Variants in NAP1L1 observed in about 807,000 individuals in gnomAD.
The protein encoded by NAP1L1 is nucleosome assembly protein 1 like 1, also known as nucleosome assembly protein 1-like 1.
A neutral mutation model predicts 58.9 loss-of-function variants in NAP1L1; 9 were observed. That is an observed-to-expected ratio of 0.15 (90% confidence interval 0.09 to 0.27). The LOEUF is 0.27. NAP1L1 is among the 10% of genes least tolerant of loss of function. The pLI, the probability that NAP1L1 is intolerant of heterozygous loss-of-function variation, is 1.00. For synonymous variants in NAP1L1, 130 were observed against 138.3 expected, an observed-to-expected ratio of 0.94 and a Z score of 0.42; for missense variants, 302 against 458.8, an observed-to-expected ratio of 0.66 and a Z score of 3.12.
In NAP1L1 at chr12:76,037,897, AG is replaced by A. The variant is rs1871087741; in HGVS notation, c.*10531del. ...GAGCTGATTGACAGCACTTAAACTG[AG>A]GGGAAATGACTAATGTTTTGTCTGG... On this transcript the variant is annotated 3_prime_UTR_variant, in exon 15 of 15. Transcript: ENST00000618691. The A allele has an allele frequency of 6.6e-6, 1 of 152,202 alleles. No homozygotes were observed. The highest frequency in any genetic ancestry group is 1.5e-5 in the Non-Finnish European group (1 of 68,042). 9.4% of individuals were successfully genotyped at this position (152,202 alleles called of 1,614,324 possible).
chr12:76,079,026 G>GTTT (rs1950301180), intron 1 of NAP1L1, among the ~76,000 whole-genome samples: 1 of 151,246 alleles, frequency 6.6e-6, no homozygotes, highest in African/African-American at 2.4e-5. Flanking sequence ...TATTTATCCA[G>GTTT]CTCCGGATAC....
At chr12:76,069,047 A>T (rs1056132708) in intron 2 of NAP1L1, 53 bp from the exon 3 acceptor site, 2 of 1,294,668 alleles carry the variant, frequency 1.5e-6, no homozygotes, top group African/African-American at 3.0e-5. Flanking sequence ...TACCAAAAAA[A>T]GTTACAGAAA....
intron 8 of NAP1L1, 69 bp from the exon 9 acceptor site, chr12:76,053,978 G>T: frequency 2.1e-6 from 3 of 1,440,330 alleles, no homozygotes; most frequent in African/African-American, 1.5e-5. Flanking sequence ...AGTAAACACA[G>T]CTTCATCTGT....
rs1349792668 is a variant in NAP1L1, at chr12:76,040,178, G to A, written c.*8251C>T. 6.6e-6 allele frequency: 1 copy of A among 152,152 alleles called. No individual in the cohort carries two copies. The highest frequency in any genetic ancestry group is 2.4e-5 in the African/African-American group (1 of 41,434). 9.4% of individuals were successfully genotyped at this position (152,152 alleles called of 1,614,324 possible). ...GCATACAATATGTAATTTAAGCTTTGATGTCTTTGGTCATTTTGGAAAACG... is the reference window on the plus strand; with the variant it reads ...GCATACAATATGTAATTTAAGCTTTAATGTCTTTGGTCATTTTGGAAAACG... On this transcript the variant is annotated 3_prime_UTR_variant, in exon 15 of 15. Coordinates refer to ENST00000618691, the MANE Select transcript of NAP1L1 (RefSeq NM_004537.7).
intron 4 of NAP1L1, among the ~76,000 whole-genome samples, chr12:76,062,880 G>C (rs531553925): frequency 7.9e-5 from 12 of 151,956 alleles, no homozygotes; most frequent in Non-Finnish European, 1.6e-4. Context: ...GAATATCACA[G>C]ACAAAAGAAA....
intron 6 of NAP1L1, chr12:76,057,201 G>T (rs914219105): frequency 4.8e-6 from 1 of 209,682 alleles, no homozygotes; most frequent in Non-Finnish European, 9.7e-6. Flanking sequence ...GCTGAGGTGG[G>T]AGAATAGCTT....
intron 1 of NAP1L1, among the ~76,000 whole-genome samples, chr12:76,080,150 T>A (rs1251567237): frequency 6.6e-6 from 1 of 152,218 alleles, no homozygotes; most frequent in Non-Finnish European, 1.5e-5. Context: ...CAGGACTGCA[T>A]ATACAACAGT....
intron 2 of NAP1L1, chr12:76,073,937 AATCCATT>A (rs1158277799): frequency 2.9e-6 from 1 of 348,612 alleles, no homozygotes; most frequent in African/African-American, 2.1e-5. Flanking sequence ...AAGTATTTAT[AATCCATT>A]ATCATGCTCA....
intron 2 of NAP1L1, among the ~76,000 whole-genome samples, chr12:76,070,271 C>T (rs867191904): frequency 3.9e-5 from 6 of 152,214 alleles, no homozygotes; most frequent in African/African-American, 7.2e-5. Flanking sequence ...TACAGGAGTG[C>T]GCCACTGCAC....
rs1434780188 is a variant in NAP1L1 at position 76,055,048 on chromosome 12, C to G, written c.601G>C (p.Val201Leu). 1 of 1,606,202 alleles carries G rather than the reference C, an allele frequency of 6.2e-7. No individual in the cohort carries two copies. Among genetic ancestry groups the G allele is most frequent in the Admixed American group, 1.7e-5 (1 of 59,164 alleles). Residue 201 changes from valine to leucine, a missense_variant, in exon 8 of 15, where the codon GTG becomes CTG. Physicochemically the swap from Val to Leu is conservative, Grantham distance 32. Transcript: ENST00000618691. ...GGCTGGCCAGCATCTGAGAACTTCA[C>G]TTTAATATCTTTCAAGTGCTTCAGA... ...PILKHLKDIK[V>L]KFSDAGQPMS...
At chr12:76,080,191 A>G (rs1950347565) in intron 1 of NAP1L1, among the ~76,000 whole-genome samples, 1 of 152,232 alleles carries the variant, frequency 6.6e-6, no homozygotes, top group Admixed American at 6.5e-5. Context: ...GAGCTGAAAC[A>G]TTCCTATTGC....
chr12:76,057,336 TAC>T (rs1365217772), intron 6 of NAP1L1: 2 of 357,014 alleles, frequency 5.6e-6, no homozygotes, highest in African/African-American at 4.2e-5. Context: ...ACTTTTTGAG[TAC>T]AGATGGTGGT....
intron 6 of NAP1L1, chr12:76,056,552 C>T (rs1203058398): frequency 2.2e-6 from 1 of 448,016 alleles, no homozygotes; most frequent in Middle Eastern, 3.3e-4. Flanking sequence ...AATAGCAATG[C>T]TAGAGAGGTG....
At position 76,040,518 on chromosome 12, in the gene NAP1L1, T is replaced by TACACAC. The variant is rs534995040; in HGVS notation, c.*7905_*7910dup. ...AAATATACATACACATACATATACA[T>TACACAC]ACACACACACACACACACAGACAGT... On this transcript the variant is annotated 3_prime_UTR_variant, in exon 15 of 15. Transcript: ENST00000618691. 6.7e-6 allele frequency: 1 copy of TACACAC among 149,942 alleles called. No individual in the cohort carries two copies. Among genetic ancestry groups the TACACAC allele is most frequent in the Admixed American group, 6.7e-5 (1 of 14,990 alleles). The allele number at this position is 149,942 out of a possible 1,614,324, so 9.3% of individuals were successfully genotyped here.
intron 4 of NAP1L1, among the ~76,000 whole-genome samples, chr12:76,064,137 C>T (rs1949548764): frequency 6.6e-6 from 1 of 152,032 alleles, no homozygotes; most frequent in African/African-American, 2.4e-5. Context: ...AGAGTAAGGC[C>T]TTGTCATAAA....
At chr12:76,069,066 A>G in intron 2 of NAP1L1, 72 bp from the exon 3 acceptor site, 2 of 1,092,526 alleles carry the variant, frequency 1.8e-6, no homozygotes, top group South Asian at 1.4e-5. Flanking sequence ...AAAACTTAAA[A>G]TTCATTTTCA....
intron 1 of NAP1L1, among the ~76,000 whole-genome samples, chr12:76,078,122 A>G (rs959721055): frequency 6.6e-6 from 1 of 152,110 alleles, no homozygotes; most frequent in Non-Finnish European, 1.5e-5. Context: ...GCAAAACAGG[A>G]GCAGAAGGAA....
In NAP1L1 at chr12:76,069,052, C is replaced by A. The variant is rs957529139; in HGVS notation, c.18-58G>T. 7 of 1,223,884 alleles carry A rather than the reference C, an allele frequency of 5.7e-6. No individual in the cohort carries two copies. In the African/African-American group the frequency reaches 9.2e-5, roughly 16 times the overall value. The allele number at this position is 1,223,884 out of a possible 1,614,324, so 75.8% of individuals were successfully genotyped here. ...ATGTACCAATTACCAAAAAAAGTTA[C>A]AGAAAAACTTAAAATTCATTTTCAA... is the stretch of plus-strand genomic sequence containing the variant. On this transcript the variant is annotated intron_variant, in intron 2 of 14. Transcript: ENST00000618691.
intron 1 of NAP1L1, among the ~76,000 whole-genome samples, chr12:76,081,863 A>G (rs1222077419): frequency 6.6e-6 from 1 of 152,230 alleles, no homozygotes; most frequent in Non-Finnish European, 1.5e-5. Context: ...AAAATCATCA[A>G]ATTATAACAG....
Sources: gnomAD v4.1 joint callset for allele counts (sites outside exome capture counted in the v4.1 genomes callset) on GRCh38, gnomAD v4.1.1 for gene constraint, MANE v1.5 for transcripts, NCBI Gene and HGNC (gene_info 2026-07-23, HGNC 2026-07-21) for gene names.